NKAIN2: variants seen among roughly 807,000 people sequenced by gnomAD.
NKAIN2 encodes sodium/potassium-transporting ATPase subunit beta-1-interacting protein 2.
In NKAIN2, 14 loss-of-function variants were observed where a neutral mutation model predicts 32.6. That is an observed-to-expected ratio of 0.43 (90% CI 0.28 to 0.67). The LOEUF is 0.67. Among genes scored for constraint, NKAIN2 ranks in the 30% least tolerant of loss-of-function variants. The pLI is 0.17. For synonymous variants in NKAIN2, 80 were observed against 87.2 expected (o/e 0.92, Z 0.46); for missense variants, 198 against 258.3 (o/e 0.77, Z 1.60).
intron 3 of NKAIN2, among the ~76,000 whole-genome samples, chr6:124,395,038 A>G (rs1773317223): frequency 6.6e-6 from 1 of 152,170 alleles, no homozygotes; most frequent in African/African-American, 2.4e-5. Context: ...GAGCCAGAAT[A>G]AGACCTGTAA....
intron 3 of NKAIN2, among the ~76,000 whole-genome samples, chr6:124,616,763 A>G (rs1402458112): frequency 6.6e-6 from 1 of 151,910 alleles, no homozygotes; most frequent in African/African-American, 2.4e-5. Flanking sequence ...CTCTGCTGCC[A>G]TCTTTCTGGG....
At chr6:123,885,125 T>C (rs1478184121) in intron 1 of NKAIN2, among the ~76,000 whole-genome samples, 1 of 152,190 alleles carries the variant, frequency 6.6e-6, no homozygotes, top group Non-Finnish European at 1.5e-5. Context: ...ATATATTTAA[T>C]CATTTAGCAA....
At chr6:124,068,129 A>T (rs1357779804) in intron 1 of NKAIN2, among the ~76,000 whole-genome samples, 1 of 152,166 alleles carries the variant, frequency 6.6e-6, no homozygotes. Flanking sequence ...ATAAAAACCT[A>T]AGCAGTCTGG....
chr6:124,260,563 G>A (rs1794199199), intron 1 of NKAIN2, among the ~76,000 whole-genome samples: 2 of 152,122 alleles, frequency 1.3e-5, no homozygotes, highest in Non-Finnish European at 2.9e-5. Flanking sequence ...GAGACCTAGT[G>A]GAGGGAATTG....
chr6:124,263,762 A>G (rs902112776), intron 1 of NKAIN2, among the ~76,000 whole-genome samples: 3 of 152,240 alleles, frequency 2.0e-5, no homozygotes, highest in Middle Eastern at 3.4e-3. Flanking sequence ...AGCTTAGCAA[A>G]TGTCCTATGT....
chr6:123,886,977 C>T (rs1773747954), intron 1 of NKAIN2, among the ~76,000 whole-genome samples: 1 of 152,116 alleles, frequency 6.6e-6, no homozygotes, highest in South Asian at 2.1e-4. Flanking sequence ...TACTGATTTA[C>T]TGCAAATATC....
At chr6:123,861,054 G>A (rs995038857) in intron 1 of NKAIN2, among the ~76,000 whole-genome samples, 6 of 152,168 alleles carry the variant, frequency 3.9e-5, no homozygotes, top group South Asian at 2.1e-4. Flanking sequence ...GGTCCACATC[G>A]ATGGGCTCCC....
At chr6:124,811,396 A>G (rs1056970820) in intron 5 of NKAIN2, among the ~76,000 whole-genome samples, 58 of 152,298 alleles carry the variant, frequency 3.8e-4, no homozygotes, top group African/African-American at 1.3e-3. Context: ...TGTATTTAAT[A>G]AAACAGTTTT....
chr6:124,387,866 T>C (rs1562148023), intron 3 of NKAIN2, among the ~76,000 whole-genome samples: 1 of 152,078 alleles, frequency 6.6e-6, no homozygotes, highest in Admixed American at 6.6e-5. Flanking sequence ...CAAATTAAGA[T>C]GAATAATTTA....
chr6:124,531,694 A>C (rs1051525046), intron 3 of NKAIN2, among the ~76,000 whole-genome samples: 2 of 152,124 alleles, frequency 1.3e-5, no homozygotes, highest in Admixed American at 1.3e-4. Flanking sequence ...TTTTTTTCCA[A>C]GACGGAGTCT....
chr6:123,989,575 A>G (rs558606706), intron 1 of NKAIN2, among the ~76,000 whole-genome samples: 1 of 152,290 alleles, frequency 6.6e-6, no homozygotes, highest in African/African-American at 2.4e-5. Flanking sequence ...TAAGAGATTC[A>G]TTTCTGATCA....
rs759910108 is a variant in NKAIN2, at chr6:124,199,775, T to C, written c.55-83230T>C. On this transcript the variant is annotated intron_variant, in intron 1 of 6. Transcript: ENST00000368417. ...AAGAAAATTAACTTGATGTTTTCAG[T>C]ATAATCAAAGCAAAGGATTATTTTG... 3.3e-4 allele frequency among the ~76,000 whole-genome samples: 50 copies of C among 152,248 alleles called. 1 individual carries two copies. The highest frequency in any genetic ancestry group is 7.2e-4 in the Admixed American group (11 of 15,286).
chr6:124,256,787 A>G (rs1793955790), intron 1 of NKAIN2, among the ~76,000 whole-genome samples: 1 of 151,692 alleles, frequency 6.6e-6, no homozygotes, highest in South Asian at 2.1e-4. Context: ...AGCAAATAGA[A>G]TGTGTGTGTG....
At chr6:124,394,292 A>G (rs1773266207) in intron 3 of NKAIN2, among the ~76,000 whole-genome samples, 1 of 152,066 alleles carries the variant, frequency 6.6e-6, no homozygotes, top group South Asian at 2.1e-4. Context: ...TAATTCTGTT[A>G]AGGGAGTTTG....
intron 1 of NKAIN2, among the ~76,000 whole-genome samples, chr6:123,898,532 G>A (rs561862555): frequency 1.3e-5 from 2 of 149,346 alleles, no homozygotes; most frequent in African/African-American, 2.5e-5. Context: ...TCCAGATATC[G>A]ATTCCTGGCT....
chr6:124,373,546 A>T (rs946645216), intron 3 of NKAIN2, among the ~76,000 whole-genome samples: 37 of 152,158 alleles, frequency 2.4e-4, no homozygotes, highest in African/African-American at 8.9e-4. Flanking sequence ...GAGATTTCTT[A>T]GGGGAGACAC....
chr6:124,446,837 A>G (rs549605312), intron 3 of NKAIN2, among the ~76,000 whole-genome samples: 1 of 152,244 alleles, frequency 6.6e-6, no homozygotes, highest in South Asian at 2.1e-4. Flanking sequence ...CAACCAGGAA[A>G]GATTCTGTCC....
intron 1 of NKAIN2, among the ~76,000 whole-genome samples, chr6:123,858,061 G>C (rs1259357576): frequency 6.6e-6 from 1 of 152,032 alleles, no homozygotes; most frequent in Non-Finnish European, 1.5e-5. Context: ...GGGAAGAAAG[G>C]AATTTAAATA....
chr6:124,488,881 G>A (rs1359491080), intron 3 of NKAIN2, among the ~76,000 whole-genome samples: 3 of 151,850 alleles, frequency 2.0e-5, no homozygotes, highest in African/African-American at 7.2e-5. Flanking sequence ...GCATTATCAT[G>A]GAAATTAGAA....
Sources: allele counts gnomAD v4.1 joint callset (sites outside exome capture counted in the v4.1 genomes callset), GRCh38; gene constraint gnomAD v4.1.1; transcripts MANE v1.5; gene names NCBI Gene and HGNC (gene_info 2026-07-23, HGNC 2026-07-21).